Variants in PTPRS observed in about 807,000 individuals in gnomAD.
PTPRS encodes the protein receptor-type tyrosine-protein phosphatase S.
A neutral mutation model predicts 215.3 loss-of-function variants in PTPRS; 63 were observed. That is an observed-to-expected ratio of 0.29 (90% CI 0.24 to 0.36). The LOEUF is 0.36. Ranked by LOEUF, PTPRS falls within the 10% of genes least tolerant of loss-of-function variation. The pLI is 1.00. For synonymous variants in PTPRS, 1,404 were observed against 1,191.4 expected (o/e 1.18, Z -3.68); for missense variants, 2,258 against 2,825.8 (o/e 0.80, Z 4.56).
chr19:5,330,884 G>C (rs1568622345), intron 1 of PTPRS, among the ~76,000 whole-genome samples: 1 of 152,130 alleles, frequency 6.6e-6, no homozygotes, highest in African/African-American at 2.4e-5. Flanking sequence ...CAGCACTGTT[G>C]CCGGAAACCC....
chr19:5,256,007 T>G, intron 9 of PTPRS, 101 bp downstream of exon 9: 1 of 907,534 alleles, frequency 1.1e-6, no homozygotes, highest in Non-Finnish European at 1.7e-6. Context: ...TGTGTCAGCG[T>G]GTGTCCGTGT....
At chr19:5,269,718 C>G (rs1302763345) in intron 4 of PTPRS, among the ~76,000 whole-genome samples, 1 of 152,006 alleles carries the variant, frequency 6.6e-6, no homozygotes, top group Non-Finnish European at 1.5e-5. Context: ...GTCAGGAGTT[C>G]AAGACCAGTC....
At chr19:5,219,527 G>A (rs1053106902) in intron 22 of PTPRS, 60 bp from the exon 23 acceptor site, 1 of 1,494,048 alleles carries the variant, frequency 6.7e-7, no homozygotes, top group Non-Finnish European at 8.9e-7. Flanking sequence ...GGCCAGATGG[G>A]TCTTTCTCAA....
At position 5,293,348 on chromosome 19, in the gene PTPRS, C is replaced by T. The variant is rs1336277411; in HGVS notation, c.-94-7114G>A. 1 of 150,090 alleles carries T rather than the reference C, an allele frequency of 6.7e-6. No individual in the cohort carries two copies. The highest frequency in any genetic ancestry group is 6.6e-5 in the Admixed American group (1 of 15,188). The allele number at this position is 150,090 out of a possible 1,614,324, so 9.3% of individuals were successfully genotyped here. A position where few individuals can be genotyped will look rare whatever the true frequency, so the allele number is the denominator to read the frequency against. On this transcript the variant is annotated intron_variant, in intron 1 of 37. Transcript: ENST00000262963. This position sits in a 1 kb window ranked among gnomAD's most constrained non-coding sequence, Gnocchi z 8.4. ...GTGGGCGGGGCTGCAGGGGACGGGC[C>T]CCGAGGAGGGGGATTGGGGGGCAGG...
intron 27 of PTPRS, 37 bp downstream of exon 27, chr19:5,215,461 C>A (rs10407635): frequency 1.2e-6 from 2 of 1,606,692 alleles, no homozygotes; most frequent in Non-Finnish European, 1.7e-6. Flanking sequence ...GCCTGTGAGG[C>A]CGAGGTGATG....
intron 23 of PTPRS, 183 bp downstream of exon 23, chr19:5,219,127 A>C: frequency 1.2e-6 from 1 of 824,156 alleles, no homozygotes. Context: ...GCCTGCTTTG[A>C]GCCCTAGCTC....
rs1007240094 is a variant in PTPRS, at chr19:5,237,642, G to T, written c.1849+1277C>A. On this transcript the variant is annotated intron_variant, in intron 13 of 37. Coordinates refer to ENST00000262963, the MANE Select transcript of PTPRS (RefSeq NM_002850.4). The surrounding 1 kb of genome is among the most constrained non-coding windows in gnomAD (Gnocchi z 4.2). ...CAGAGTGGCTGGGGCAGGCGGGGGG[G>T]CACGCGGGGTGGGCCGTTTTTGTGA... Among the ~76,000 whole-genome samples, 1 of 152,128 alleles carries T rather than the reference G, an allele frequency of 6.6e-6. No individual in the cohort carries two copies. The highest frequency in any genetic ancestry group is 1.5e-5 in the Non-Finnish European group (1 of 68,024).
chr19:5,322,128 AG>A (rs2050038963), intron 1 of PTPRS, among the ~76,000 whole-genome samples: 1 of 152,196 alleles, frequency 6.6e-6, no homozygotes, highest in African/African-American at 2.4e-5. Flanking sequence ...CTGACCTGAC[AG>A]GGAACTGCAG....
chr19:5,314,327 A>G (rs1392946470), intron 1 of PTPRS, among the ~76,000 whole-genome samples: 1 of 152,160 alleles, frequency 6.6e-6, no homozygotes, highest in African/African-American at 2.4e-5. Context: ...AGCAACCCAG[A>G]GTCTGCATCA....
At chr19:5,319,061 GC>G (rs1431448836) in intron 1 of PTPRS, among the ~76,000 whole-genome samples, 1 of 152,136 alleles carries the variant, frequency 6.6e-6, no homozygotes, top group Non-Finnish European at 1.5e-5. Context: ...CATCAGCTCA[GC>G]CTGGCCACTA....
At chr19:5,327,942 C>T (rs1415967371) in intron 1 of PTPRS, among the ~76,000 whole-genome samples, 1 of 152,126 alleles carries the variant, frequency 6.6e-6, no homozygotes, top group Non-Finnish European at 1.5e-5. Flanking sequence ...CCACTGTACA[C>T]TTTCTGGGGG....
intron 16 of PTPRS, among the ~76,000 whole-genome samples, chr19:5,226,100 T>C (rs56329880): frequency 0.23 from 34,505 of 152,108 alleles, 5,089 homozygotes; most frequent in Non-Finnish European, 0.33. Flanking sequence ...CCCTCACTCC[T>C]TGCCATCACC....
At position 5,338,675 on chromosome 19, in the gene PTPRS, G is replaced by C. The variant is rs902810038; in HGVS notation, c.-95+1989C>G. Among the ~76,000 whole-genome samples the C allele has an allele frequency of 6.6e-6, 1 of 151,932 alleles. No homozygotes were observed. The highest frequency in any genetic ancestry group is 1.5e-5 in the Non-Finnish European group (1 of 67,954). ...AGAAGAGCAGAGGGACAGAAGGCAG[G>C]CGCGATTGGCAGGGGGAGGGGGGCA... On this transcript the variant is annotated intron_variant, in intron 1 of 37. Transcript: ENST00000262963. This position sits in a 1 kb window ranked among gnomAD's most constrained non-coding sequence, Gnocchi z 4.2.
chr19:5,331,094 T>C (rs1010697401), intron 1 of PTPRS, among the ~76,000 whole-genome samples: 9 of 146,148 alleles, frequency 6.2e-5, no homozygotes, highest in South Asian at 2.2e-4. Flanking sequence ...TCTCGCTGTC[T>C]TGGGTCTTCA....
At chr19:5,241,820 G>A (rs887103871) in intron 11 of PTPRS, among the ~76,000 whole-genome samples, 8 of 152,008 alleles carry the variant, frequency 5.3e-5, no homozygotes, top group Non-Finnish European at 1.0e-4. Context: ...CTGGCCCACT[G>A]CCTTAGGGGT....
Position 5,244,341 on chromosome 19 carries a change from T to A in PTPRS, c.1130A>T (p.Gln377Leu). The A allele has an allele frequency of 3.1e-6, 5 of 1,614,246 alleles. No individual in the cohort carries two copies. The highest frequency in any genetic ancestry group is 4.2e-6 in the Non-Finnish European group (5 of 1,180,044). ...YKSKSQDGPY[Q>L]IKEDITTTRY... ...TGTGGTGGTGATGTCCTCTTTAATC[T>A]GATACGGCCCGTCTTGGCTCTTGGA... The change falls in exon 11 of 38, where the codon CAG (glutamine) becomes CTG (leucine). Residue 377 changes from glutamine to leucine, a missense_variant. Transcript: ENST00000262963. This position sits in a 1 kb window ranked among gnomAD's most constrained non-coding sequence, Gnocchi z 7.2.
At chr19:5,304,644 G>A (rs36111880) in intron 1 of PTPRS, among the ~76,000 whole-genome samples, 25,479 of 151,960 alleles carry the variant, frequency 0.17, 2,821 homozygotes, top group Non-Finnish European at 0.25. Flanking sequence ...GGGAGACTCC[G>A]TTTCTAAAAA....
rs1354000355 is a variant in PTPRS at position 5,208,406 on chromosome 19, G to A, written c.5488-15C>T. ...GACTGGCCATCCTAGAGTGCAGAGA[G>A]CCCAATCTTGTTATCAGGTCAGCAG... is the stretch of plus-strand genomic sequence containing the variant. On this transcript the variant is annotated splice_polypyrimidine_tract_variant and intron_variant, in intron 35 of 37. Transcript: ENST00000262963. The A allele has an allele frequency of 5.1e-6, 8 of 1,558,414 alleles. No homozygotes were observed. Among genetic ancestry groups the A allele is most frequent in the Non-Finnish European group, 7.0e-6 (8 of 1,149,216 alleles).
In PTPRS at chr19:5,211,656, C is replaced by A. The variant is rs773951274; in HGVS notation, c.5168G>T (p.Cys1723Phe). The change falls in exon 33 of 38, where the codon TGT becomes TTT. Residue 1723 changes from cysteine to phenylalanine, a missense_variant. Transcript: ENST00000262963. ...NIMPYESTRV[C>F]LQPIRGVEGS... is the part of the protein sequence containing the mutation. ...CTCCACACCCCGGATGGGTTGCAGA[C>A]AGACCCGTGTGCTCTCATAGGGCAT... The A allele has an allele frequency of 6.2e-6, 10 of 1,614,008 alleles. No individual in the cohort carries two copies. The highest frequency in any genetic ancestry group is 8.5e-6 in the Non-Finnish European group (10 of 1,180,024).
Sources: gnomAD v4.1 joint callset for allele counts (sites outside exome capture counted in the v4.1 genomes callset) on GRCh38, gnomAD v4.1.1 for gene constraint, Gnocchi (gnomAD v3.1) non-coding constraint, MANE v1.5 for transcripts, NCBI Gene and HGNC (gene_info 2026-07-23, HGNC 2026-07-21) for gene names.